Variants in AASDH observed in about 807,000 individuals in gnomAD.
AASDH encodes aminoadipate-semialdehyde dehydrogenase.
AASDH carries 81 observed loss-of-function variants against 102.3 expected under a neutral mutation model. The observed-to-expected ratio is 0.79, with a 90% CI of 0.66 to 0.95. The LOEUF is 0.95. AASDH is among the 40% of genes least tolerant of loss of function. The pLI, the probability that AASDH is intolerant of heterozygous loss-of-function variation, is 0.00. For synonymous variants in AASDH, 398 were observed against 454.0 expected, an observed-to-expected ratio of 0.88 and a Z score of 1.57; for missense variants, 1,203 against 1,266.2, an observed-to-expected ratio of 0.95 and a Z score of 0.76.
chr4:56,351,569 A>G (rs1749002941), intron 9 of AASDH, 112 bp from the exon 10 acceptor site: 1 of 616,186 alleles, frequency 1.6e-6, no homozygotes, highest in African/African-American at 1.9e-5. Context: ...CAGAAATCAT[A>G]TAAAGAGTTT....
intron 14 of AASDH, among the ~76,000 whole-genome samples, chr4:56,342,252 A>C (rs1471400098): frequency 6.6e-6 from 1 of 152,188 alleles, no homozygotes; most frequent in African/African-American, 2.4e-5. Context: ...ACTACAGCCA[A>C]CAACAATATG....
At chr4:56,342,787 TTATA>T in intron 14 of AASDH, 44 bp downstream of exon 14, 1 of 736,086 alleles carries the variant, frequency 1.4e-6, no homozygotes, top group African/African-American at 1.9e-5. Flanking sequence ...ATATATACAT[TTATA>T]TATATATAAA....
At chr4:56,356,108 A>T in intron 5 of AASDH, 2 of 619,672 alleles carry the variant, frequency 3.2e-6, no homozygotes, top group Admixed American at 2.9e-5. Flanking sequence ...AATGTGCCTA[A>T]GTAGCTCTCT....
In AASDH at chr4:56,345,252, T is replaced by G. The variant is rs906911244; in HGVS notation, c.2527A>C (p.Ser843Arg). ...NGLVYVLKSNSGEKYWMFTTE... is the reference protein window; with the variant it reads ...NGLVYVLKSNRGEKYWMFTTE... ...GTAAACATCCAGTATTTTTCTCCAC[T>G]ATTACTTTTCAGAACATAAACTAAT... The change falls in exon 12 of 15, where the codon AGT (serine) becomes CGT (arginine). Residue 843 changes from serine to arginine, a missense_variant. By Grantham distance (110) the Ser-to-Arg change is moderately radical. Transcript: ENST00000205214. 1.2e-6 allele frequency: 2 copies of G among 1,613,898 alleles called. No individual in the cohort carries two copies. Among genetic ancestry groups the G allele is most frequent in the Non-Finnish European group, 1.7e-6 (2 of 1,179,776 alleles).
chr4:56,359,114 T>G (rs1436548824), intron 5 of AASDH, among the ~76,000 whole-genome samples: 1 of 150,714 alleles, frequency 6.6e-6, no homozygotes, highest in African/African-American at 2.4e-5. Context: ...TGTTTTTGGT[T>G]TTTTTTTTTG....
intron 11 of AASDH, among the ~76,000 whole-genome samples, chr4:56,348,490 AG>A (rs1284011812): frequency 6.6e-6 from 1 of 152,154 alleles, no homozygotes; most frequent in Admixed American, 6.5e-5. Context: ...CCTGGGCACA[AG>A]CGATCTGTCC....
intron 11 of AASDH, among the ~76,000 whole-genome samples, chr4:56,345,897 A>G (rs1748276339): frequency 6.6e-6 from 1 of 152,252 alleles, no homozygotes; most frequent in Non-Finnish European, 1.5e-5. Context: ...CATTTTATAG[A>G]TAACAAAATT....
intron 5 of AASDH, among the ~76,000 whole-genome samples, chr4:56,369,950 A>C (rs987462765): frequency 2.6e-5 from 4 of 151,912 alleles, no homozygotes; most frequent in Non-Finnish European, 5.9e-5. Context: ...CAATTAAAAA[A>C]AAAAAAAAAA....
chr4:56,362,649 C>G (rs547534742), intron 5 of AASDH, among the ~76,000 whole-genome samples: 1 of 152,212 alleles, frequency 6.6e-6, no homozygotes, highest in African/African-American at 2.4e-5. Flanking sequence ...ATAAGGAGCG[C>G]TTTAGTAAAT....
chr4:56,342,787 T>TTA (rs761639592), intron 14 of AASDH, 48 bp downstream of exon 14: 33 of 735,884 alleles, frequency 4.5e-5, no homozygotes, highest in African/African-American at 5.8e-5. Flanking sequence ...ATATATACAT[T>TTA]TATATATATA....
intron 1 of AASDH, among the ~76,000 whole-genome samples, chr4:56,385,278 A>G (rs888976491): frequency 6.6e-6 from 1 of 152,204 alleles, no homozygotes; most frequent in Non-Finnish European, 1.5e-5. Flanking sequence ...AATATTTTAC[A>G]GAAGTCATAC....
Position 56,349,607 on chromosome 4 carries a change from T to C in AASDH, c.2144A>G (p.Asn715Ser), listed in dbSNP as rs749442540. ...ACPSDSVSQT[N>S]IQNLKGLNSP... The stretch of plus-strand genomic sequence containing the variant: ...ATTTAAGCCTTTCAAATTTTGAATG[T>C]TGGTCTGTGAAACTGAGTCAGAAGG... The change falls in exon 11 of 15, where the codon AAC becomes AGC. Residue 715 changes from asparagine to serine, a missense_variant. Physicochemically the swap from Asn to Ser is conservative, Grantham distance 46 (BLOSUM62 1). Transcript: ENST00000205214. 1 of 1,614,220 alleles carries C rather than the reference T, an allele frequency of 6.2e-7. No individual in the cohort carries two copies. The highest frequency in any genetic ancestry group is 1.7e-5 in the Admixed American group (1 of 60,026).
At chr4:56,341,169 A>G (rs1194319613) in intron 14 of AASDH, among the ~76,000 whole-genome samples, 1 of 152,170 alleles carries the variant, frequency 6.6e-6, no homozygotes, top group African/African-American at 2.4e-5. Context: ...CCAAAGACAA[A>G]AAATCAGTAT....
intron 1 of AASDH, among the ~76,000 whole-genome samples, 171 bp downstream of exon 1, chr4:56,387,191 G>A (rs1021582909): frequency 1.3e-5 from 2 of 152,170 alleles, no homozygotes; most frequent in Non-Finnish European, 2.9e-5. Context: ...GTACACACAG[G>A]TCAGGGTTAG....
rs1176578879 is a variant in AASDH, at chr4:56,354,695, A to G, written c.1210+10T>C. 10 of 1,584,688 alleles carry G rather than the reference A, an allele frequency of 6.3e-6. No homozygotes were observed. Among genetic ancestry groups the G allele is most frequent in the Non-Finnish European group, 7.7e-6 (9 of 1,167,516 alleles). ...AAAAAAAAATTCCCAATCAACAAATATAAAACAACCTAAAAATACTTGGCC... is the reference window on the plus strand; with the variant it reads ...AAAAAAAAATTCCCAATCAACAAATGTAAAACAACCTAAAAATACTTGGCC... On this transcript the variant is annotated intron_variant, in intron 7 of 14. Coordinates refer to ENST00000205214, the MANE Select transcript of AASDH (RefSeq NM_181806.4).
chr4:56,361,386 G>A (rs890338796), intron 5 of AASDH, among the ~76,000 whole-genome samples: 12 of 152,044 alleles, frequency 7.9e-5, no homozygotes, highest in Admixed American at 2.0e-4. Flanking sequence ...TCCAGCCTGC[G>A]TGACAGAGTA....
intron 4 of AASDH, among the ~76,000 whole-genome samples, chr4:56,374,196 T>C (rs972748689): frequency 2.0e-5 from 3 of 152,008 alleles, no homozygotes; most frequent in African/African-American, 7.2e-5. Context: ...CTGGCCAAGA[T>C]GGTGAAACCC....
intron 1 of AASDH, among the ~76,000 whole-genome samples, chr4:56,386,029 C>A (rs1362105110): frequency 6.6e-6 from 1 of 151,686 alleles, no homozygotes; most frequent in African/African-American, 2.4e-5. Flanking sequence ...AAAAAGAAAT[C>A]CTAAAGAGAG....
intron 11 of AASDH, among the ~76,000 whole-genome samples, chr4:56,347,142 A>C (rs1748425670): frequency 6.6e-6 from 1 of 152,226 alleles, no homozygotes; most frequent in South Asian, 2.1e-4. Flanking sequence ...GCTATAACAA[A>C]AAAAAAGTTA....
Sources: gnomAD v4.1 joint callset for allele counts (sites outside exome capture counted in the v4.1 genomes callset) on GRCh38, gnomAD v4.1.1 for gene constraint, MANE v1.5 for transcripts, NCBI Gene and HGNC (gene_info 2026-07-23, HGNC 2026-07-21) for gene names.